The following AP3D1 variants were observed in gnomAD, a reference collection of about 807,000 sequenced individuals.
The protein encoded by AP3D1 is adaptor related protein complex 3 subunit delta 1.
Under a neutral mutation model 147.6 loss-of-function variants are expected in AP3D1, and 51 were observed. That is an observed-to-expected ratio of 0.35 (90% CI 0.28 to 0.44). The LOEUF is 0.44. Ranked by LOEUF, AP3D1 falls within the 20% of genes least tolerant of loss-of-function variation. The pLI is 1.00. For synonymous variants in AP3D1, 760 were observed against 663.0 expected (o/e 1.15, Z -2.25); for missense variants, 1,421 against 1,624.2 (o/e 0.87, Z 2.15).
chr19:2,117,635 G>A (rs2018495772), intron 15 of AP3D1, among the ~76,000 whole-genome samples: 1 of 152,248 alleles, frequency 6.6e-6, no homozygotes, highest in Non-Finnish European at 1.5e-5. Context: ...CATCAGGTCA[G>A]TGCCCCGACA....
intron 1 of AP3D1, among the ~76,000 whole-genome samples, chr19:2,163,024 C>T (rs934519515): frequency 2.6e-5 from 4 of 152,098 alleles, no homozygotes; most frequent in Non-Finnish European, 4.4e-5. Context: ...TGGGCATAGG[C>T]TGAACTAACT....
At chr19:2,164,359 TC>T in exon 1 of AP3D1, 14 of 844,000 alleles carry the variant, frequency 1.7e-5, no homozygotes, top group South Asian at 5.7e-5. Context: ...CGCTCACCGG[TC>T]CCCCCTGCGG....
rs370612433 is a variant in AP3D1, at chr19:2,109,945, G to A, written c.3278C>T (p.Ala1093Val). ...LSFIAKNDEG[A>V]THEKLDFRLH... ...CCTGAAGTCCAGCTTCTCGTGGGTC[G>A]CACCCTCGTCATTCTGCGGTGGAGT... Residue 1093 changes from alanine (A) to valine (V), a missense_variant, in exon 29 of 32, where the codon GCG becomes GTG. Transcript: ENST00000643116. 9.3e-6 allele frequency: 15 copies of A among 1,613,426 alleles called. No homozygotes were observed. Among genetic ancestry groups the A allele is most frequent in the African/African-American group, 4.0e-5 (3 of 74,906 alleles).
At chr19:2,137,146 C>G in intron 3 of AP3D1, 55 bp from the exon 4 acceptor site, 1 of 1,461,620 alleles carries the variant, frequency 6.8e-7, no homozygotes, top group Non-Finnish European at 9.4e-7. Flanking sequence ...CCTCCAGGAG[C>G]TCCAGCTCTG....
Position 2,127,466 on chromosome 19 carries a change from C to T in AP3D1, c.807-265G>A, listed in dbSNP as rs144482248. On this transcript the variant is annotated intron_variant, in intron 8 of 31. Coordinates refer to ENST00000643116, the MANE Select transcript of AP3D1 (RefSeq NM_001261826.3). ...GCAGGGACGGACCACGCACCCCCGG[C>T]GGCCTGTGAGATGGCAATACCGCCT... Among the ~76,000 whole-genome samples, 570 of 152,172 alleles carry T rather than the reference C, an allele frequency of 3.7e-3. 5 individuals carry two copies. The highest frequency in any genetic ancestry group is 0.027 in the East Asian group (140 of 5,172).
intron 8 of AP3D1, among the ~76,000 whole-genome samples, chr19:2,128,393 C>T (rs1432957428): frequency 3.9e-5 from 6 of 152,036 alleles, no homozygotes; most frequent in East Asian, 1.9e-4. Flanking sequence ...AGCTGCTTCA[C>T]GCCCAGCCCC....
chr19:2,109,179 C>T lies in AP3D1; in HGVS notation c.3379G>A (p.Gly1127Arg), dbSNP rs1744077005. 1.2e-6 allele frequency: 2 copies of T among 1,606,472 alleles called. No individual in the cohort carries two copies. Among genetic ancestry groups the T allele is most frequent in the Non-Finnish European group, 1.7e-6 (2 of 1,177,186 alleles). ...SDAFAKLLES[G>R]DLSMSSIKVD... is the part of the protein sequence containing the mutation. The stretch of plus-strand genomic sequence containing the variant: ...TTGATTGAGCTCATGCTCAAGTCCC[C>T]AGACTCCAGCAACTTAGCAAAGGCG... Residue 1127 changes from glycine (G) to arginine (R), a missense_variant, in exon 30 of 32, where the codon GGG becomes AGG. Around this residue, in one of 6 missense-constraint regions of AP3D1, gnomAD observed 791 missense variants for 761.4 expected, o/e 1.04. Coordinates refer to ENST00000643116, the MANE Select transcript of AP3D1 (RefSeq NM_001261826.3).
chr19:2,146,455 T>G (rs1443821047), intron 1 of AP3D1, among the ~76,000 whole-genome samples: 1 of 151,606 alleles, frequency 6.6e-6, no homozygotes, highest in Non-Finnish European at 1.5e-5. Flanking sequence ...AATACAAAAA[T>G]TAGCCAGGTG....
chr19:2,133,925 T>G (rs375957740), intron 4 of AP3D1, among the ~76,000 whole-genome samples: 1 of 151,784 alleles, frequency 6.6e-6, no homozygotes, highest in African/African-American at 2.4e-5. Flanking sequence ...CTGACCAACA[T>G]GGTGAAACCC....
chr19:2,114,700 G>A (rs1180695166), intron 21 of AP3D1, 48 bp downstream of exon 21: 1 of 1,429,306 alleles, frequency 7.0e-7, no homozygotes, highest in Non-Finnish European at 9.5e-7. Context: ...AGGAAGGGAA[G>A]CAACCACATG....
chr19:2,150,198 T>C (rs1178949258), intron 1 of AP3D1, among the ~76,000 whole-genome samples: 1 of 152,190 alleles, frequency 6.6e-6, no homozygotes, highest in Admixed American at 6.5e-5. Context: ...CACCTCGTCC[T>C]GGACACAGCC....
chr19:2,109,117 C>G lies in AP3D1; in HGVS notation c.3441G>C (p.Leu1147=). Residue 1147 remains leucine (L), a synonymous_variant, in exon 30 of 32, where the codon CTG becomes CTC. Transcript: ENST00000643116. ...DGIRMSFQNL[L]AKICFHHHFS... ...AATGGTGGTGAAAACAGATCTTCGC[C>G]AGAAGATTCTGGAAGGACATCCGAA... 2.5e-6 allele frequency: 4 copies of G among 1,609,696 alleles called. No individual in the cohort carries two copies. The highest frequency in any genetic ancestry group is 3.4e-6 in the Non-Finnish European group (4 of 1,178,694).
At chr19:2,113,842 T>C (rs1470480216) in intron 22 of AP3D1, among the ~76,000 whole-genome samples, 1 of 152,182 alleles carries the variant, frequency 6.6e-6, no homozygotes, top group Non-Finnish European at 1.5e-5. Context: ...GAGGGTGGCA[T>C]CTGGACCACG....
chr19:2,114,380 G>T (rs2018380036), intron 21 of AP3D1, 78 bp from the exon 22 acceptor site: 2 of 1,265,526 alleles, frequency 1.6e-6, no homozygotes, highest in Non-Finnish European at 2.2e-6. Flanking sequence ...CCGTGTCCAA[G>T]CATGTGGCAG....
intron 24 of AP3D1, 54 bp downstream of exon 24, chr19:2,112,806 G>T: frequency 7.0e-7 from 1 of 1,426,342 alleles, no homozygotes; most frequent in Non-Finnish European, 9.6e-7. Flanking sequence ...CCCCACGTTG[G>T]GGTGCTGGGG....
At chr19:2,134,308 C>A (rs986041257) in intron 4 of AP3D1, among the ~76,000 whole-genome samples, 1 of 151,850 alleles carries the variant, frequency 6.6e-6, no homozygotes, top group Non-Finnish European at 1.5e-5. Flanking sequence ...GCAGTCCCAG[C>A]TACTCAGGAG....
intron 1 of AP3D1, among the ~76,000 whole-genome samples, chr19:2,149,140 G>A (rs1370272761): frequency 6.6e-6 from 1 of 152,180 alleles, no homozygotes; most frequent in African/African-American, 2.4e-5. Flanking sequence ...GTCTTCCAGT[G>A]AGAAAGCCAG....
exon 1 of AP3D1, chr19:2,164,368 C>A: frequency 1.3e-6 from 1 of 742,796 alleles, no homozygotes; most frequent in Non-Finnish European, 1.8e-6. Flanking sequence ...GTCCCCCCTG[C>A]GGAACGGAGA....
In AP3D1 at chr19:2,163,491, C is replaced by CTT. The variant is rs34647490; in HGVS notation, c.-103+863_-103+864dup. On this transcript the variant is annotated intron_variant, in intron 1 of 14. Transcript: ENST00000643010. Reference sequence around the variant, plus strand: ...ACAGGGGTGAATCACCGCGCCTGGCCTTTTTTTTTTTTTTTGTACCCAATA... The same window carrying CTT: ...ACAGGGGTGAATCACCGCGCCTGGCCTTTTTTTTTTTTTTTTTGTACCCAATA... 3.0e-4 allele frequency among the ~76,000 whole-genome samples: 43 copies of CTT among 141,130 alleles called. 2 individuals are homozygous for CTT. The South Asian group carries it at 7.6e-3, about 25-fold the overall frequency. The allele number at this position is 141,130 out of a possible 152,430, so 92.6% of individuals were successfully genotyped here. A position where few individuals can be genotyped will look rare whatever the true frequency, so the allele number is the denominator to read the frequency against.
Sources: allele counts gnomAD v4.1 joint callset (sites outside exome capture counted in the v4.1 genomes callset), GRCh38; gene constraint gnomAD v4.1.1; regional missense constraint gnomAD v4.1.1; transcripts MANE v1.5; gene names NCBI Gene and HGNC (gene_info 2026-07-23, HGNC 2026-07-21).